Variants in PTPRD observed in about 807,000 individuals in gnomAD.
PTPRD encodes the protein protein tyrosine phosphatase receptor type D, also known as receptor-type tyrosine-protein phosphatase delta.
PTPRD carries 34 observed loss-of-function variants against 214.5 expected under a neutral mutation model. That is an observed-to-expected ratio of 0.16 (90% CI 0.12 to 0.21). The LOEUF (loss-of-function observed/expected upper bound fraction) is 0.21. Among genes scored for constraint, PTPRD ranks in the 10% least tolerant of loss-of-function variants. PTPRD has a pLI of 1.00. For missense variants in PTPRD, 2,545 were observed against 2,398.7 expected, an observed-to-expected ratio of 1.06 and a Z score of -1.27; for synonymous variants, 1,128 against 845.7, an observed-to-expected ratio of 1.33 and a Z score of -5.79.
intron 22 of PTPRD, 102 bp from the exon 23 acceptor site, chr9:8,504,507 T>C (rs924219839): frequency 1.5e-6 from 2 of 1,328,770 alleles, no homozygotes; most frequent in African/African-American, 1.5e-5. Context: ...AGGATTATAA[T>C]CTCATCAAAA....
chr9:9,445,254 T>C (rs1569568391), intron 8 of PTPRD, among the ~76,000 whole-genome samples: 1 of 152,190 alleles, frequency 6.6e-6, no homozygotes, highest in South Asian at 2.1e-4. Context: ...TTACCTACCA[T>C]ACTTATCTGT....
intron 22 of PTPRD, among the ~76,000 whole-genome samples, chr9:8,505,624 CAAAAA>C (rs954059567): frequency 1.6e-4 from 9 of 55,750 alleles, no homozygotes; most frequent in Middle Eastern, 8.2e-3. Context: ...GACTCTGTCT[CAAAAA>C]AAAAAAAAAA....
At chr9:10,035,174 A>G (rs7024759) in intron 3 of PTPRD, among the ~76,000 whole-genome samples, 55,570 of 151,830 alleles carry the variant, frequency 0.37, 10,874 homozygotes, top group East Asian at 0.63. Context: ...TCTCATTGTG[A>G]CTTTAATTTG....
chr9:9,224,530 GTTTAGATAATCCAATAGTC>G (rs1303165864), intron 9 of PTPRD, among the ~76,000 whole-genome samples: 1 of 151,834 alleles, frequency 6.6e-6, no homozygotes, highest in African/African-American at 2.4e-5. Context: ...CTCTGCTCTA[GTTTAGATAATCCAATAGTC>G]TACAGTGAAA....
rs182180073 is a variant in PTPRD at position 9,091,892 on chromosome 9, C to A, written c.-142-73157G>T. On this transcript the variant is annotated intron_variant, in intron 10 of 45. Transcript: ENST00000381196. ...TTTTGTGTTGAGTGTGGGAATAAGA[C>A]CTTTGAAAACCTAATTAACAAAAAA... Among the ~76,000 whole-genome samples, 31 of 152,266 alleles carry A rather than the reference C, an allele frequency of 2.0e-4. 1 individual carries two copies. The highest frequency in any genetic ancestry group is 1.4e-3 in the East Asian group (7 of 5,180).
chr9:8,919,734 C>T (rs2098811856), intron 11 of PTPRD, among the ~76,000 whole-genome samples: 3 of 152,236 alleles, frequency 2.0e-5, no homozygotes, highest in African/African-American at 7.2e-5. Context: ...CATGCATGCA[C>T]ACACATACAT....
chr9:9,755,054 G>A (rs905157614), intron 6 of PTPRD, among the ~76,000 whole-genome samples: 1 of 151,942 alleles, frequency 6.6e-6, no homozygotes, highest in Admixed American at 6.6e-5. Context: ...CCCCATTCTG[G>A]ATTTAAGGAA....
At chr9:10,553,693 G>C (rs1255704588) in intron 2 of PTPRD, among the ~76,000 whole-genome samples, 2 of 152,126 alleles carry the variant, frequency 1.3e-5, no homozygotes, top group African/African-American at 4.8e-5. Context: ...TTTAAGAACT[G>C]TGAATATATA....
At chr9:9,601,136 TGTGTGTGTGTGTG>T (rs2093720681) in intron 7 of PTPRD, among the ~76,000 whole-genome samples, 1 of 121,162 alleles carries the variant, frequency 8.3e-6, no homozygotes, top group African/African-American at 3.8e-5. Context: ...TGTGTGTGTG[TGTGTGTGTGTGTG>T]TATGGGGGGG....
chr9:8,332,085 C>T (rs1420772726), intron 43 of PTPRD, among the ~76,000 whole-genome samples: 1 of 152,046 alleles, frequency 6.6e-6, no homozygotes, highest in Non-Finnish European at 1.5e-5. Context: ...ATCATGTCTG[C>T]ATTCCTTCCA....
intron 3 of PTPRD, among the ~76,000 whole-genome samples, chr9:10,189,098 T>C (rs1053738427): frequency 1.3e-5 from 2 of 152,190 alleles, no homozygotes; most frequent in African/African-American, 4.8e-5. Context: ...TGATGTCCAT[T>C]GTGAGGATGT....
At chr9:10,373,776 A>T (rs1386637761) in intron 2 of PTPRD, among the ~76,000 whole-genome samples, 1 of 152,114 alleles carries the variant, frequency 6.6e-6, no homozygotes, top group East Asian at 1.9e-4. Flanking sequence ...AAAAATCAGA[A>T]GATTTGTCAA....
chr9:10,524,523 A>G (rs2053606747), intron 2 of PTPRD, among the ~76,000 whole-genome samples: 2 of 152,082 alleles, frequency 1.3e-5, no homozygotes, highest in Admixed American at 1.3e-4. Context: ...TCAGAAAAAA[A>G]AAATCATTGC....
chr9:9,620,248 C>G (rs2095163092), intron 7 of PTPRD, among the ~76,000 whole-genome samples: 1 of 152,118 alleles, frequency 6.6e-6, no homozygotes, highest in Non-Finnish European at 1.5e-5. Flanking sequence ...GCACACATTT[C>G]AGAGCATAAA....
rs142302271 is a variant in PTPRD, at chr9:10,101,642, C to T, written c.-544-67852G>A. Among the ~76,000 whole-genome samples, 40 of 151,758 alleles carry T rather than the reference C, an allele frequency of 2.6e-4. No homozygotes were observed. The East Asian group carries it at 7.4e-3, about 28-fold the overall frequency. On this transcript the variant is annotated intron_variant, in intron 3 of 45. Transcript: ENST00000381196. The stretch of plus-strand genomic sequence containing the variant: ...GTCAGCTTTTTCCACAGATGCTTTG[C>T]ACAGGTCCTATTACTACACCTATAC...
intron 2 of PTPRD, among the ~76,000 whole-genome samples, chr9:10,464,454 G>T (rs984076086): frequency 7.3e-5 from 11 of 151,072 alleles, no homozygotes; most frequent in African/African-American, 2.7e-4. Flanking sequence ...GAGGAAAGGA[G>T]GAGAGGAGAA....
chr9:9,239,553 T>C (rs2099969257), intron 9 of PTPRD, among the ~76,000 whole-genome samples: 1 of 152,166 alleles, frequency 6.6e-6, no homozygotes. Flanking sequence ...ACTTGCCTGA[T>C]TTATTGGTGG....
intron 12 of PTPRD, among the ~76,000 whole-genome samples, chr9:8,705,007 T>G (rs1449841971): frequency 2.0e-5 from 3 of 152,156 alleles, no homozygotes; most frequent in Non-Finnish European, 4.4e-5. Context: ...CCACAAGTCA[T>G]AACTGTATAA....
chr9:10,360,629 T>A (rs1367482913), intron 2 of PTPRD, among the ~76,000 whole-genome samples: 1 of 152,232 alleles, frequency 6.6e-6, no homozygotes, highest in East Asian at 1.9e-4. Context: ...CCAGAAGTTT[T>A]CTAATATTTT....
Sources: allele counts gnomAD v4.1 joint callset (sites outside exome capture counted in the v4.1 genomes callset), GRCh38; gene constraint gnomAD v4.1.1; transcripts MANE v1.5; gene names NCBI Gene and HGNC (gene_info 2026-07-23, HGNC 2026-07-21).